The following SUGCT variants were observed in gnomAD, a reference collection of about 807,000 sequenced individuals.
The protein encoded by SUGCT is succinyl-CoA:glutarate-CoA transferase.
A neutral mutation model predicts 55.0 loss-of-function variants in SUGCT; 41 were observed. The ratio of observed to expected loss-of-function variants is 0.74; its 90% CI spans 0.58 to 0.97. The LOEUF (loss-of-function observed/expected upper bound fraction) is 0.97. Ranked by LOEUF, SUGCT falls within the 50% of genes least tolerant of loss-of-function variation. The pLI is 0.00. For missense variants in SUGCT, 568 were observed against 547.8 expected (o/e 1.04, Z -0.37); for synonymous variants, 187 against 200.4 (o/e 0.93, Z 0.56).
At chr7:40,267,484 G>A (rs1791669999) in intron 7 of SUGCT, among the ~76,000 whole-genome samples, 1 of 152,116 alleles carries the variant, frequency 6.6e-6, no homozygotes, top group Admixed American at 6.5e-5. Flanking sequence ...GCTTAACAAG[G>A]TTTGTGAATT....
In SUGCT at chr7:40,328,505, G is replaced by T. The variant is rs1796125658; in HGVS notation, c.816+11650G>T. Reference sequence around the variant, plus strand: ...GAAGGAATATTTGGGACATGAGGAGGAGTATTCCAGGGCCTAAGGAGGGGG... The same window carrying T: ...GAAGGAATATTTGGGACATGAGGAGTAGTATTCCAGGGCCTAAGGAGGGGG... On this transcript the variant is annotated intron_variant, in intron 9 of 13. Coordinates refer to ENST00000335693, the MANE Select transcript of SUGCT (RefSeq NM_001193313.2). Among the ~76,000 whole-genome samples the T allele has an allele frequency of 2.6e-5, 4 of 152,234 alleles. No individual in the cohort carries two copies. The South Asian group carries it at 8.3e-4, about 32-fold the overall frequency.
chr7:40,881,895 G>A, the SUGCT span, among the ~76,000 whole-genome samples: 1 of 152,220 alleles, frequency 6.6e-6, no homozygotes, highest in Admixed American at 6.5e-5. Context: ...TAACATTAAG[G>A]ACTAGGGTAG....
At chr7:40,742,954 T>C (rs575052171) in intron 12 of SUGCT, among the ~76,000 whole-genome samples, 1 of 152,174 alleles carries the variant, frequency 6.6e-6, no homozygotes, top group Non-Finnish European at 1.5e-5. Flanking sequence ...AGATATTGTG[T>C]GTTTTAAAAA....
intron 13 of SUGCT, among the ~76,000 whole-genome samples, chr7:40,809,448 G>C (rs999456249): frequency 6.6e-6 from 1 of 151,810 alleles, no homozygotes; most frequent in East Asian, 1.9e-4. Context: ...TCACACACAC[G>C]TACACACACC....
chr7:40,206,417 T>A (rs976113034), intron 6 of SUGCT, among the ~76,000 whole-genome samples: 34 of 152,322 alleles, frequency 2.2e-4, no homozygotes, highest in African/African-American at 8.2e-4. Flanking sequence ...TCACAAAGGT[T>A]AAAAGTATGT....
the SUGCT span, among the ~76,000 whole-genome samples, chr7:41,024,040 A>T: frequency 6.6e-6 from 1 of 152,206 alleles, no homozygotes; most frequent in Non-Finnish European, 1.5e-5. Flanking sequence ...AAACAGAACA[A>T]TGCAAGACAA....
chr7:40,419,298 A>T (rs982549782), intron 9 of SUGCT, among the ~76,000 whole-genome samples: 4 of 152,018 alleles, frequency 2.6e-5, no homozygotes, highest in South Asian at 2.1e-4. Flanking sequence ...CAGGAATTCA[A>T]TTTTTTTCTT....
the SUGCT span, among the ~76,000 whole-genome samples, chr7:41,025,527 T>G: frequency 6.6e-6 from 1 of 151,982 alleles, no homozygotes; most frequent in Non-Finnish European, 1.5e-5. Flanking sequence ...CCACCACCAC[T>G]ACTAAAAATA....
chr7:40,989,424 C>A, the SUGCT span, among the ~76,000 whole-genome samples: 8 of 152,130 alleles, frequency 5.3e-5, no homozygotes. Context: ...AGCATCTTGA[C>A]CAGCAGTAGA....
At chr7:40,152,469 G>T in intron 1 of SUGCT, 1 of 197,536 alleles carries the variant, frequency 5.1e-6, no homozygotes, top group East Asian at 1.2e-4. Context: ...GAAGAAGTGA[G>T]AGACAAATTG....
At chr7:40,968,150 A>T in the SUGCT span, 1 of 152,256 alleles carries the variant, frequency 6.6e-6, no homozygotes, top group Non-Finnish European at 1.5e-5. Context: ...CTTCTTGTCC[A>T]CAGCTTTAAG....
At chr7:40,251,122 T>C (rs545294166) in intron 7 of SUGCT, among the ~76,000 whole-genome samples, 4 of 152,214 alleles carry the variant, frequency 2.6e-5, no homozygotes, top group Admixed American at 1.3e-4. Context: ...AGCCACCATG[T>C]CCTGCCTCAT....
intron 12 of SUGCT, among the ~76,000 whole-genome samples, chr7:40,666,419 G>GTTTTTTTTT (rs70990637): frequency 1.4e-5 from 1 of 72,236 alleles, no homozygotes; most frequent in Non-Finnish European, 2.5e-5. Flanking sequence ...TTATAGGTTA[G>GTTTTTTTTT]TTTTTTTTTT....
chr7:40,162,779 G>A (rs1245508079), intron 1 of SUGCT, among the ~76,000 whole-genome samples: 1 of 152,106 alleles, frequency 6.6e-6, no homozygotes, highest in Non-Finnish European at 1.5e-5. Context: ...GAGTCACCTC[G>A]CCCAGCCCTT....
At chr7:40,348,550 G>A (rs1797448389) in intron 9 of SUGCT, among the ~76,000 whole-genome samples, 1 of 152,128 alleles carries the variant, frequency 6.6e-6, no homozygotes, top group Admixed American at 6.6e-5. Context: ...AACTCATCAA[G>A]TCTGTGAGCC....
chr7:40,655,649 A>G (rs907847467), intron 12 of SUGCT, among the ~76,000 whole-genome samples: 1 of 152,224 alleles, frequency 6.6e-6, no homozygotes, highest in Non-Finnish European at 1.5e-5. Flanking sequence ...GGTCAAGATG[A>G]TCACAATATG....
At position 40,377,204 on chromosome 7, in the gene SUGCT, T is replaced by TTCC. The variant is rs1554326874; in HGVS notation, c.816+60350_816+60351insCCT. ...TTTCTTTCTTTCTTTCTTTCTTTTCTTTTCTTTTCTTTCTTTTCTTTCTTT... is the reference window on the plus strand; with the variant it reads ...TTTCTTTCTTTCTTTCTTTCTTTTCTTCCTTTCTTTTCTTTCTTTTCTTTCTTT... On this transcript the variant is annotated intron_variant, in intron 9 of 13. Transcript: ENST00000335693. Among the ~76,000 whole-genome samples the TTCC allele has an allele frequency of 4.2e-4, 5 of 11,842 alleles. 2 individuals are homozygous for TTCC. Among genetic ancestry groups the TTCC allele is most frequent in the Non-Finnish European group, 7.8e-4 (3 of 3,854 alleles). 7.8% of individuals were successfully genotyped at this position (11,842 alleles called of 152,430 possible). A position where few individuals can be genotyped will look rare whatever the true frequency, so the allele number is the denominator to read the frequency against.
chr7:40,943,164 G>A, the SUGCT span, among the ~76,000 whole-genome samples: 1 of 150,808 alleles, frequency 6.6e-6, no homozygotes, highest in Non-Finnish European at 1.5e-5. Flanking sequence ...TTATTTTTCT[G>A]GTTCCTTCTA....
At chr7:40,709,486 C>G (rs753746664) in intron 12 of SUGCT, among the ~76,000 whole-genome samples, 2 of 152,210 alleles carry the variant, frequency 1.3e-5, no homozygotes, top group Admixed American at 1.3e-4. Flanking sequence ...GGTCCCCAGG[C>G]TCACAGGGCT....
Sources: gnomAD v4.1 joint callset for allele counts (sites outside exome capture counted in the v4.1 genomes callset) on GRCh38, gnomAD v4.1.1 for gene constraint, MANE v1.5 for transcripts, NCBI Gene and HGNC (gene_info 2026-07-23, HGNC 2026-07-21) for gene names.